POGLUT2: variants seen among roughly 807,000 people sequenced by gnomAD.
POGLUT2 encodes ER protein 58.
A neutral mutation model predicts 57.6 loss-of-function variants in POGLUT2; 47 were observed. The ratio of observed to expected loss-of-function variants is 0.82; its 90% CI spans 0.65 to 1.04. POGLUT2 has a LOEUF of 1.04. POGLUT2 is among the 50% of genes least tolerant of loss of function. The probability of loss-of-function intolerance (pLI) is 0.00; values close to 1 mark genes in which losing one functional copy is unlikely to be tolerated. For synonymous variants in POGLUT2, 200 were observed against 218.8 expected (o/e 0.91, Z 0.76); for missense variants, 565 against 614.8 (o/e 0.92, Z 0.86).
At chr13:102,785,581 C>T (rs934085987) in intron 9 of POGLUT2, among the ~76,000 whole-genome samples, 6 of 152,152 alleles carry the variant, frequency 3.9e-5, no homozygotes, top group Non-Finnish European at 8.8e-5. Flanking sequence ...TATATACAAG[C>T]ACACACAATC....
chr13:102,792,173 A>G (rs1262441673), intron 4 of POGLUT2: 12 of 951,332 alleles, frequency 1.3e-5, no homozygotes, highest in Non-Finnish European at 1.5e-5. Context: ...GTGCTTTGAA[A>G]TCTTGAAAAA....
At chr13:102,789,356 G>A (rs572826467) in intron 6 of POGLUT2, 135 bp from the exon 7 acceptor site, 237 of 668,300 alleles carry the variant, frequency 3.5e-4, no homozygotes, top group Non-Finnish European at 5.4e-4. Context: ...TGCCTTTGCC[G>A]TTTAGTAAGT....
At chr13:102,797,300 C>T (rs1878443526) in intron 1 of POGLUT2, among the ~76,000 whole-genome samples, 1 of 152,194 alleles carries the variant, frequency 6.6e-6, no homozygotes. Flanking sequence ...TCATGCATTC[C>T]ATATGGAAAA....
Position 102,789,276 on chromosome 13 carries a change from C to T in POGLUT2, c.1084-55G>A, listed in dbSNP as rs189477940. 417 of 1,421,128 alleles carry T rather than the reference C, an allele frequency of 2.9e-4. 1 individual carries two copies. The African/African-American group carries it at 4.8e-3, about 16-fold the overall frequency. 88.0% of individuals were successfully genotyped at this position (1,421,128 alleles called of 1,614,324 possible). ...TCTATTAAATCTCCTTTTCTCCACT[C>T]TATTCTCCTTCCCATCCCACACATA... On this transcript the variant is annotated intron_variant, in intron 6 of 9. Transcript: ENST00000376004.
At chr13:102,790,419 C>T (rs910403913) in intron 6 of POGLUT2, among the ~76,000 whole-genome samples, 1 of 152,186 alleles carries the variant, frequency 6.6e-6, no homozygotes, top group Non-Finnish European at 1.5e-5. Context: ...CCCCAGGAAC[C>T]ATGCGGAATC....
At chr13:102,793,841 T>C in intron 2 of POGLUT2, 35 bp from the exon 3 acceptor site, 1 of 1,547,478 alleles carries the variant, frequency 6.5e-7, no homozygotes, top group Non-Finnish European at 8.9e-7. Context: ...ACAACAGTGA[T>C]CATTTCACTC....
chr13:102,797,386 T>C lies in POGLUT2; in HGVS notation c.183-377A>G, dbSNP rs904828959. Among the ~76,000 whole-genome samples the C allele has an allele frequency of 2.6e-5, 4 of 152,234 alleles. No individual in the cohort carries two copies. In the East Asian group the frequency reaches 7.7e-4, roughly 29 times the overall value. ...AATGATGCTCCCAAAGATAATGATC[T>C]TATTTTGAAAAATCTCTGCCAATGA... is the stretch of plus-strand genomic sequence containing the variant. On this transcript the variant is annotated intron_variant, in intron 1 of 9. Coordinates refer to ENST00000376004, the MANE Select transcript of POGLUT2 (RefSeq NM_024089.3).
chr13:102,792,126 T>C, intron 4 of POGLUT2: 1 of 1,257,324 alleles, frequency 8.0e-7, no homozygotes, highest in South Asian at 1.3e-5. Flanking sequence ...ATATTGATGC[T>C]ATATAACTAC....
intron 4 of POGLUT2, 118 bp downstream of exon 4, chr13:102,793,223 T>G: frequency 1.6e-6 from 1 of 634,536 alleles, no homozygotes. Context: ...CAGAATAGTA[T>G]TATCATAAGG....
intron 2 of POGLUT2, among the ~76,000 whole-genome samples, chr13:102,795,208 C>T (rs1241635173): frequency 1.3e-4 from 19 of 141,424 alleles, no homozygotes; most frequent in African/African-American, 4.3e-4. Flanking sequence ...GCCGAGATTG[C>T]ACCACTGCAC....
rs781302759 is a variant in POGLUT2 at position 102,791,069 on chromosome 13, G to A, written c.915C>T (p.Ala305=). 9.9e-6 allele frequency: 16 copies of A among 1,614,010 alleles called. No homozygotes were observed. The highest frequency in any genetic ancestry group is 3.3e-4 in the Middle Eastern group (2 of 6,084). Reference sequence around the variant, plus strand: ...TGCGGCTGTCTCGCCCTCTCCAGACGGCAGTGGAATTTTTGCTTTCCCAGG... The same window carrying A: ...TGCGGCTGTCTCGCCCTCTCCAGACAGCAGTGGAATTTTTGCTTTCCCAGG... The part of the protein sequence containing the change: ...GPPWESKNST[A]VWRGRDSRKE... Residue 305 remains alanine, a synonymous_variant, in exon 6 of 10, where the codon GCC becomes GCT. Transcript: ENST00000376004.
At chr13:102,789,703 T>G (rs1183440946) in intron 6 of POGLUT2, among the ~76,000 whole-genome samples, 3 of 152,230 alleles carry the variant, frequency 2.0e-5, no homozygotes, top group African/African-American at 7.2e-5. Flanking sequence ...GATCAAGTGA[T>G]TCTTGTGCCT....
At chr13:102,787,946 A>G in intron 7 of POGLUT2, 23 bp from the exon 8 acceptor site, 1 of 1,475,874 alleles carries the variant, frequency 6.8e-7, no homozygotes, top group South Asian at 1.2e-5. Context: ...CAACGACAAA[A>G]TCCTGTAATA....
chr13:102,798,316 T>G (rs1053021064), intron 1 of POGLUT2, among the ~76,000 whole-genome samples, 173 bp downstream of exon 1: 1 of 152,238 alleles, frequency 6.6e-6, no homozygotes, highest in Admixed American at 6.5e-5. Context: ...ATACATTATA[T>G]TGCATATATT....
chr13:102,788,309 T>C (rs984751922), intron 7 of POGLUT2, among the ~76,000 whole-genome samples: 2 of 152,210 alleles, frequency 1.3e-5, no homozygotes, highest in African/African-American at 4.8e-5. Flanking sequence ...TATGGCTGCA[T>C]CTACTTCTGA....
At chr13:102,791,571 A>G in intron 4 of POGLUT2, 141 bp from the exon 5 acceptor site, 1 of 816,404 alleles carries the variant, frequency 1.2e-6, no homozygotes, top group Non-Finnish European at 1.9e-6. Context: ...TGGTTTGAAT[A>G]GTGGGCAATG....
At chr13:102,797,080 G>T in intron 1 of POGLUT2, 71 bp from the exon 2 acceptor site, 2 of 1,050,294 alleles carry the variant, frequency 1.9e-6, no homozygotes, top group Non-Finnish European at 2.9e-6. Flanking sequence ...ATGCTCTTCA[G>T]TCTGGAAACT....
chr13:102,797,441 G>A (rs993722483), intron 1 of POGLUT2, among the ~76,000 whole-genome samples: 6 of 151,966 alleles, frequency 3.9e-5, no homozygotes, highest in Admixed American at 2.0e-4. Flanking sequence ...TATAAATCAC[G>A]CTCAGGCCTG....
chr13:102,787,928 A>G lies in POGLUT2; in HGVS notation c.1294-5T>C, dbSNP rs565936313. The G allele has an allele frequency of 1.3e-6, 2 of 1,575,726 alleles. No individual in the cohort carries two copies. The highest frequency in any genetic ancestry group is 1.3e-5 in the African/African-American group (1 of 74,196). On this transcript the variant is annotated splice_polypyrimidine_tract_variant and splice_region_variant and intron_variant, in intron 7 of 9. Coordinates refer to ENST00000376004, the MANE Select transcript of POGLUT2 (RefSeq NM_024089.3). ...TGCTTTTGCTATCTTTTTGGCCTAC[A>G]GGAAGAACAACGACAAAATCCTGTA...
Sources: allele counts gnomAD v4.1 joint callset (sites outside exome capture counted in the v4.1 genomes callset), GRCh38; gene constraint gnomAD v4.1.1; transcripts MANE v1.5; gene names NCBI Gene and HGNC (gene_info 2026-07-23, HGNC 2026-07-21).